Variants in AHR observed in about 807,000 individuals in gnomAD.
AHR encodes AH-receptor.
In AHR, 40 loss-of-function variants were observed where a neutral mutation model predicts 86.8. The ratio of observed to expected loss-of-function variants is 0.46; its 90% CI spans 0.36 to 0.60. AHR has a LOEUF of 0.60. AHR is among the 20% of genes least tolerant of loss of function. The pLI is 0.00. For synonymous variants in AHR, 398 were observed against 354.9 expected (o/e 1.12, Z -1.37); for missense variants, 1,001 against 1,011.6 (o/e 0.99, Z 0.14).
intron 10 of AHR, among the ~76,000 whole-genome samples, chr7:17,342,704 A>G (rs1782439067): frequency 6.6e-6 from 1 of 152,166 alleles, no homozygotes; most frequent in African/African-American, 2.4e-5. Context: ...TTTCCTGTCA[A>G]ATTAATGGAA....
chr7:17,325,912 T>G (rs1044282938), intron 3 of AHR, among the ~76,000 whole-genome samples: 1 of 152,186 alleles, frequency 6.6e-6, no homozygotes, highest in Non-Finnish European at 1.5e-5. Flanking sequence ...AGTTTACCTA[T>G]GTAACAAACC....
intron 6 of AHR, among the ~76,000 whole-genome samples, chr7:17,333,212 A>T (rs897278190): frequency 6.6e-6 from 1 of 151,906 alleles, no homozygotes; most frequent in African/African-American, 2.4e-5. Flanking sequence ...TTGTTAAATG[A>T]CATGTGAGTG....
rs1274025719 is a variant in AHR, at chr7:17,339,005, C to A, written c.1180C>A (p.His394Asn). The change falls in exon 10 of 11, where the codon CAT becomes AAT. Residue 394 changes from histidine to asparagine, a missense_variant. His to Asn is a moderately conservative substitution (Grantham distance 68, BLOSUM62 1). Coordinates refer to ENST00000242057, the MANE Select transcript of AHR (RefSeq NM_001621.5). ...RPLTDEEGTE[H>N]LRKRNTKLPF... ...TTTTAGAGATGAGGAAGGAACAGAG[C>A]ATTTACGAAAACGAAATACGAAGTT... The A allele has an allele frequency of 6.2e-7, 1 of 1,613,546 alleles. No individual in the cohort carries two copies. Among genetic ancestry groups the A allele is most frequent in the East Asian group, 2.2e-5 (1 of 44,862 alleles).
intron 2 of AHR, among the ~76,000 whole-genome samples, chr7:17,312,056 G>T (rs1782070484): frequency 6.6e-6 from 1 of 152,176 alleles, no homozygotes; most frequent in Non-Finnish European, 1.5e-5. Context: ...GGGACCTTTG[G>T]TGATAGGGCT....
intron 3 of AHR, among the ~76,000 whole-genome samples, chr7:17,322,834 G>A (rs974939501): frequency 1.3e-5 from 2 of 151,988 alleles, no homozygotes; most frequent in African/African-American, 4.8e-5. Flanking sequence ...ATGCGACAGT[G>A]GTCCCGTAAG....
At chr7:17,340,568 G>C (rs1322581964) in intron 10 of AHR, among the ~76,000 whole-genome samples, 1 of 151,890 alleles carries the variant, frequency 6.6e-6, no homozygotes, top group African/African-American at 2.4e-5. Context: ...ATTCTTTCTG[G>C]ATTCTTTAAA....
At chr7:17,341,180 A>G (rs192996014) in intron 10 of AHR, among the ~76,000 whole-genome samples, 4 of 152,306 alleles carry the variant, frequency 2.6e-5, no homozygotes, top group East Asian at 3.9e-4. Flanking sequence ...AATTAAAAGT[A>G]TGACCTGAAG....
At chr7:17,303,332 A>G (rs1188817519) in intron 1 of AHR, among the ~76,000 whole-genome samples, 1 of 152,028 alleles carries the variant, frequency 6.6e-6, no homozygotes. Flanking sequence ...TTTTGCTTCA[A>G]AGCTTGTGTT....
Position 17,340,024 on chromosome 7 carries a change from T to G in AHR, c.2199T>G (p.Ser733=). 1 of 1,614,214 alleles carries G rather than the reference T, an allele frequency of 6.2e-7. No individual in the cohort carries two copies. The highest frequency in any genetic ancestry group is 1.1e-5 in the South Asian group (1 of 91,088). Residue 733 remains serine, a synonymous_variant, in exon 10 of 11, where the codon TCT becomes TCG. Transcript: ENST00000242057. ...SFEPSPYPTT[S]SLEDFVTCLQ... is the part of the protein sequence containing the mutation. ...AACCATCCCCATACCCCACTACTTCTAGTTTAGAAGATTTTGTCACTTGTT... is the reference window on the plus strand; with the variant it reads ...AACCATCCCCATACCCCACTACTTCGAGTTTAGAAGATTTTGTCACTTGTT...
In AHR at chr7:17,299,187, G is replaced by A; in HGVS notation, c.-78G>A. ...GCGGAACCCGGCGCCGGCCGCCGCA[G>A]TGGTCCCAGCCTACACCGGGTTCCG... On this transcript the variant is annotated 5_prime_UTR_variant, in exon 1 of 11. The change creates a new upstream start codon in the 5' untranslated region. Coordinates refer to ENST00000242057, the MANE Select transcript of AHR (RefSeq NM_001621.5). 1 of 1,483,422 alleles carries A rather than the reference G, an allele frequency of 6.7e-7. No homozygotes were observed. The highest frequency in any genetic ancestry group is 9.0e-7 in the Non-Finnish European group (1 of 1,117,050). The allele number at this position is 1,483,422 out of a possible 1,614,324, so 91.9% of individuals were successfully genotyped here.
intron 1 of AHR, among the ~76,000 whole-genome samples, chr7:17,308,030 CT>C (rs1782023393): frequency 6.6e-6 from 1 of 152,108 alleles, no homozygotes. Flanking sequence ...CTTTATTTTT[CT>C]TCTTAGCACT....
rs766872926 is a variant in AHR, at chr7:17,299,293, ACGCCAGT to A, written c.33_39del (p.Arg13GlyfsTer9). ...AACAGCAGCAGCGCCAACATCACCT[ACGCCAGT>A]CGCAAGCGGCGGAAGCCGGTGCAGA... On this transcript the variant is annotated frameshift_variant, in exon 1 of 11. Transcript: ENST00000242057. LOFTEE classifies it high-confidence loss of function. 6.2e-7 allele frequency: 1 copy of A among 1,612,304 alleles called. No homozygotes were observed. The highest frequency in any genetic ancestry group is 1.3e-5 in the African/African-American group (1 of 74,888).
In AHR at chr7:17,339,761, C is replaced by G. The variant is rs1337716067; in HGVS notation, c.1936C>G (p.Gln646Glu). 1 of 1,614,200 alleles carries G rather than the reference C, an allele frequency of 6.2e-7. No individual in the cohort carries two copies. The highest frequency in any genetic ancestry group is 8.5e-7 in the Non-Finnish European group (1 of 1,180,040). ...GCTGTGTCAGAAGATGAAGCACATG[C>G]AAGTTAATGGCATGTTTGAAAATTG... ...QQLCQKMKHM[Q>E]VNGMFENWNS... The change falls in exon 10 of 11, where the codon CAA (glutamine) becomes GAA (glutamate). Residue 646 changes from glutamine (Q) to glutamate (E), a missense_variant. Gln to Glu is a conservative substitution (Grantham distance 29, BLOSUM62 2). Around this residue, in one of 2 missense-constraint regions of AHR, gnomAD observed 607 missense variants for 543.1 expected, o/e 1.12. Transcript: ENST00000242057.
At chr7:17,324,059 T>A (rs1782202912) in intron 3 of AHR, among the ~76,000 whole-genome samples, 2 of 152,212 alleles carry the variant, frequency 1.3e-5, no homozygotes, top group South Asian at 4.1e-4. Flanking sequence ...ATTGTGTACA[T>A]ACCCTATGTC....
chr7:17,339,469 T>C lies in AHR; in HGVS notation c.1644T>C (p.Ile548=). ...DLYSIMKNLG[I]DFEDIRHMQN... ...ACAGCATAATGAAAAACCTAGGCAT[T>C]GATTTTGAAGACATCAGACACATGC... The change falls in exon 10 of 11, where the codon ATT becomes ATC. Residue 548 remains isoleucine (I), a synonymous_variant. Coordinates refer to ENST00000242057, the MANE Select transcript of AHR (RefSeq NM_001621.5). The C allele has an allele frequency of 6.2e-7, 1 of 1,614,170 alleles. No homozygotes were observed.
intron 1 of AHR, among the ~76,000 whole-genome samples, chr7:17,309,402 G>C (rs1782039787): frequency 6.6e-6 from 1 of 152,186 alleles, no homozygotes; most frequent in Admixed American, 6.5e-5. Context: ...ATCTGCAGGT[G>C]TCAGAGGGGC....
intron 6 of AHR, among the ~76,000 whole-genome samples, chr7:17,332,876 C>G (rs1027197528): frequency 2.0e-5 from 3 of 151,984 alleles, no homozygotes. Flanking sequence ...CACTCACTCA[C>G]TGACTAAACC....
intron 1 of AHR, among the ~76,000 whole-genome samples, chr7:17,306,080 A>G (rs921438870): frequency 6.6e-6 from 1 of 152,144 alleles, no homozygotes; most frequent in African/African-American, 2.4e-5. Flanking sequence ...CATACGGTCT[A>G]TTTCAGGAGA....
chr7:17,335,681 G>C lies in AHR; in HGVS notation c.1055G>C (p.Arg352Pro). ...KTGESGMIVF[R>P]LLTKNNRWTW... Reference sequence around the variant, plus strand: ...GGAGAAAGTGGCATGATAGTTTTCCGGCTTCTTACAAAAAACAACCGATGG... The same window carrying C: ...GGAGAAAGTGGCATGATAGTTTTCCCGCTTCTTACAAAAAACAACCGATGG... Residue 352 changes from arginine (R) to proline (P), a missense_variant, in exon 9 of 11, where the codon CGG becomes CCG. Coordinates refer to ENST00000242057, the MANE Select transcript of AHR (RefSeq NM_001621.5). 1.3e-6 allele frequency: 2 copies of C among 1,592,666 alleles called. No individual in the cohort carries two copies. Among genetic ancestry groups the C allele is most frequent in the Non-Finnish European group, 1.7e-6 (2 of 1,167,834 alleles).
Sources: allele counts gnomAD v4.1 joint callset (sites outside exome capture counted in the v4.1 genomes callset), GRCh38; gene constraint gnomAD v4.1.1; regional missense constraint gnomAD v4.1.1; transcripts MANE v1.5; gene names NCBI Gene and HGNC (gene_info 2026-07-23, HGNC 2026-07-21).